The following DRC9 variants were observed in gnomAD, a reference collection of about 807,000 sequenced individuals.
The protein encoded by DRC9 is dynein regulatory complex subunit 9, also known as dynein regulatory complex protein 9.
the DRC9 span, chr3:197,944,173 T>A: frequency 6.9e-5 from 59 of 852,252 alleles, no homozygotes; most frequent in African/African-American, 9.7e-4. Flanking sequence ...TAATAGAACC[T>A]AGATGAAAAA....
the DRC9 span, among the ~76,000 whole-genome samples, chr3:197,930,810 C>T: frequency 3.4e-5 from 5 of 149,034 alleles, no homozygotes; most frequent in African/African-American, 9.9e-5. Flanking sequence ...CCGAGGTGGG[C>T]GGATTACGAG....
the DRC9 span, chr3:197,956,456 A>G: frequency 2.0e-5 from 3 of 152,368 alleles, no homozygotes; most frequent in African/African-American, 7.2e-5. Flanking sequence ...ATCCTATGGT[A>G]GGTACATGGA....
chr3:197,951,540 A>G, the DRC9 span: 1 of 511,096 alleles, frequency 2.0e-6, no homozygotes. Flanking sequence ...ATTAGTAGAG[A>G]CAGGGTATTG....
At chr3:197,950,462 C>T in the DRC9 span, 1 of 535,508 alleles carries the variant, frequency 1.9e-6, no homozygotes, top group Non-Finnish European at 2.7e-6. Context: ...CGGAGTGAAA[C>T]GATGTTTTTG....
chr3:197,927,917 T>C, the DRC9 span, among the ~76,000 whole-genome samples: 1 of 119,920 alleles, frequency 8.3e-6, no homozygotes, highest in Non-Finnish European at 1.6e-5. Context: ...TGAGAACATA[T>C]GGACACAGGG....
At chr3:197,953,908 T>TA in the DRC9 span, 3 of 1,248,138 alleles carry the variant, frequency 2.4e-6, no homozygotes, top group South Asian at 3.6e-5. Context: ...ATGAAGTGGG[T>TA]AACCAGGGTT....
chr3:197,910,987 A>C, the DRC9 span, among the ~76,000 whole-genome samples: 3,281 of 151,538 alleles, frequency 0.022, 45 homozygotes, highest in Non-Finnish European at 0.032. Flanking sequence ...CAAAACAAAA[A>C]AAAAAAAAAA....
At chr3:197,904,122 A>T in the DRC9 span, among the ~76,000 whole-genome samples, 6 of 140,232 alleles carry the variant, frequency 4.3e-5, no homozygotes, top group South Asian at 2.2e-4. Context: ...TTTTTTTTTT[A>T]AAGGGCCAAA....
the DRC9 span, among the ~76,000 whole-genome samples, chr3:197,922,844 T>C: frequency 6.6e-6 from 1 of 152,004 alleles, no homozygotes; most frequent in African/African-American, 2.4e-5. Context: ...ATATTAGTCT[T>C]TTTAAATTAT....
the DRC9 span, among the ~76,000 whole-genome samples, chr3:197,920,903 CCAA>C: frequency 1.3e-5 from 2 of 152,192 alleles, no homozygotes; most frequent in Non-Finnish European, 1.5e-5. Context: ...TAAGCTACCA[CCAA>C]CACTTTCATA....
At chr3:197,946,391 C>T in the DRC9 span, among the ~76,000 whole-genome samples, 6 of 147,572 alleles carry the variant, frequency 4.1e-5, no homozygotes, top group South Asian at 2.1e-4. Context: ...GCCGAGATCG[C>T]GCCACTGCAC....
At chr3:197,947,595 T>G in the DRC9 span, among the ~76,000 whole-genome samples, 3 of 152,216 alleles carry the variant, frequency 2.0e-5, no homozygotes, top group Non-Finnish European at 4.4e-5. Context: ...CTTTTCACCG[T>G]GTAAAGTCCC....
At chr3:197,947,554 A>C in the DRC9 span, among the ~76,000 whole-genome samples, 3 of 152,134 alleles carry the variant, frequency 2.0e-5, no homozygotes, top group Non-Finnish European at 4.4e-5. Flanking sequence ...TGCACCTGCT[A>C]TTCCTTCCAG....
At chr3:197,955,730 G>A in the DRC9 span, 136 of 1,589,456 alleles carry the variant, frequency 8.6e-5, no homozygotes, top group African/African-American at 1.1e-4. Flanking sequence ...CTAATGTTTT[G>A]TGTTCTTTTT....
chr3:197,954,110 A>G, the DRC9 span: 4 of 1,614,050 alleles, frequency 2.5e-6, no homozygotes, highest in African/African-American at 2.7e-5. Context: ...TTCCGAAGCA[A>G]TCTTCCTGCT....
chr3:197,950,225 A>T, the DRC9 span: 1 of 1,231,218 alleles, frequency 8.1e-7, no homozygotes, highest in South Asian at 4.2e-5. Context: ...TGTGGAGGTG[A>T]GTGAAGGGTC....
chr3:197,934,442 C>T, the DRC9 span, among the ~76,000 whole-genome samples: 1 of 152,136 alleles, frequency 6.6e-6, no homozygotes, highest in Non-Finnish European at 1.5e-5. Context: ...ACCTCGGCCT[C>T]CCAAAGTGCT....
the DRC9 span, chr3:197,943,611 C>T: frequency 1.5e-6 from 1 of 653,264 alleles, no homozygotes; most frequent in East Asian, 2.8e-5. Flanking sequence ...TACACTCCAG[C>T]TTAGGCCACA....
At chr3:197,950,801 C>A in the DRC9 span, 1 of 724,172 alleles carries the variant, frequency 1.4e-6, no homozygotes, top group African/African-American at 1.8e-5. Flanking sequence ...TATGGATGTT[C>A]TGGCATTGTT....
Sources: gnomAD v4.1 joint callset for allele counts (sites outside exome capture counted in the v4.1 genomes callset) on GRCh38, gnomAD v4.1.1 for gene constraint, MANE v1.5 for transcripts, NCBI Gene and HGNC (gene_info 2026-07-23, HGNC 2026-07-21) for gene names.